Variants in KCNJ16 observed in about 807,000 individuals in gnomAD.
KCNJ16 encodes the protein potassium inwardly rectifying channel subfamily J member 16.
A neutral mutation model predicts 18.5 loss-of-function variants in KCNJ16; 15 were observed. The ratio of observed to expected loss-of-function variants is 0.81; its 90% CI spans 0.54 to 1.25. KCNJ16 has a LOEUF of 1.25. KCNJ16 is among the 50% of genes most tolerant of loss of function. The pLI is 0.00. For synonymous variants in KCNJ16, 174 were observed against 186.5 expected (o/e 0.93, Z 0.55); for missense variants, 523 against 525.7 (o/e 0.99, Z 0.05).
chr17:70,096,205 A>G (rs1362344218), intron 1 of KCNJ16, among the ~76,000 whole-genome samples: 1 of 151,946 alleles, frequency 6.6e-6, no homozygotes, highest in Non-Finnish European at 1.5e-5. Context: ...TTTCCAGTCC[A>G]TTTCAGCAAA....
intron 2 of KCNJ16, among the ~76,000 whole-genome samples, chr17:70,122,634 C>A (rs887410913): frequency 6.6e-6 from 1 of 152,092 alleles, no homozygotes; most frequent in Non-Finnish European, 1.5e-5. Context: ...TAAGAAGATA[C>A]AATCTGATTT....
intron 3 of KCNJ16, among the ~76,000 whole-genome samples, 198 bp downstream of exon 3, chr17:70,131,173 A>G (rs181820090): frequency 6.6e-6 from 1 of 150,628 alleles, no homozygotes; most frequent in East Asian, 1.9e-4. Context: ...ATTCAGAGGG[A>G]AAGAGAAGAG....
intron 1 of KCNJ16, among the ~76,000 whole-genome samples, chr17:70,080,771 A>G (rs2071518027): frequency 6.6e-6 from 1 of 152,222 alleles, no homozygotes; most frequent in African/African-American, 2.4e-5. Flanking sequence ...AGGCTGAGCC[A>G]AACAATGGGT....
At chr17:70,099,147 TATTG>T (rs1211395268) in intron 1 of KCNJ16, among the ~76,000 whole-genome samples, 3 of 152,178 alleles carry the variant, frequency 2.0e-5, no homozygotes, top group African/African-American at 4.8e-5. Flanking sequence ...ATCACAGCAG[TATTG>T]ATTGATGCCA....
intron 1 of KCNJ16, among the ~76,000 whole-genome samples, chr17:70,078,364 G>A (rs368063891): frequency 6.6e-6 from 1 of 151,850 alleles, no homozygotes; most frequent in East Asian, 1.9e-4. Context: ...TAAAAAAAAG[G>A]TGATTTTTAC....
chr17:70,089,375 A>T (rs2071981826), intron 1 of KCNJ16, among the ~76,000 whole-genome samples: 2 of 152,238 alleles, frequency 1.3e-5, no homozygotes, highest in Non-Finnish European at 1.5e-5. Context: ...CATAATTTGC[A>T]TATGAGTTTT....
chr17:70,116,390 G>A (rs2144075756), intron 2 of KCNJ16, among the ~76,000 whole-genome samples: 1 of 152,134 alleles, frequency 6.6e-6, no homozygotes, highest in South Asian at 2.1e-4. Context: ...GCCCTCCAAT[G>A]TAGTCGTGTC....
intron 2 of KCNJ16, among the ~76,000 whole-genome samples, chr17:70,103,319 T>TACACACACAC (rs1199138346): frequency 1.2e-3 from 24 of 20,734 alleles, no homozygotes; most frequent in African/African-American, 3.4e-3. Flanking sequence ...TATATATATA[T>TACACACACAC]ATACACACAC....
chr17:70,103,285 T>TATGTGTG (rs200951327), intron 2 of KCNJ16, among the ~76,000 whole-genome samples: 1,292 of 25,336 alleles, frequency 0.051, 10 homozygotes, highest in East Asian at 0.14. Flanking sequence ...AATATGCATA[T>TATGTGTG]ATGTGTGTGT....
At chr17:70,099,841 C>T (rs938209948) in intron 1 of KCNJ16, among the ~76,000 whole-genome samples, 1 of 152,158 alleles carries the variant, frequency 6.6e-6, no homozygotes, top group African/African-American at 2.4e-5. Flanking sequence ...ATGATGATCA[C>T]TAATTTGAGA....
chr17:70,092,419 T>C (rs1487229454), intron 1 of KCNJ16, among the ~76,000 whole-genome samples: 6 of 152,084 alleles, frequency 3.9e-5, no homozygotes, highest in Admixed American at 2.0e-4. Context: ...CAGTTGGTTT[T>C]ACAGTTCGAA....
chr17:70,089,755 G>C (rs2072000792), intron 1 of KCNJ16, among the ~76,000 whole-genome samples: 1 of 152,144 alleles, frequency 6.6e-6, no homozygotes, highest in Admixed American at 6.5e-5. Flanking sequence ...AAATTTATAT[G>C]TACATAAAAA....
intron 2 of KCNJ16, chr17:70,128,027 C>T (rs1370636583): frequency 6.6e-6 from 1 of 152,206 alleles, no homozygotes; most frequent in Non-Finnish European, 1.5e-5. Flanking sequence ...GTACCCTCGG[C>T]ATGAGCTTAC....
At chr17:70,127,109 T>C (rs955883565) in intron 2 of KCNJ16, among the ~76,000 whole-genome samples, 8 of 152,120 alleles carry the variant, frequency 5.3e-5, no homozygotes, top group Non-Finnish European at 1.2e-4. Flanking sequence ...ATTGTAAAGT[T>C]ATATCAGGAG....
chr17:70,088,006 A>C (rs891443052), intron 1 of KCNJ16, among the ~76,000 whole-genome samples: 20 of 125,054 alleles, frequency 1.6e-4, no homozygotes, highest in Non-Finnish European at 3.2e-4. Flanking sequence ...TGGGCGACAG[A>C]GCAAGACTCT....
intron 1 of KCNJ16, among the ~76,000 whole-genome samples, chr17:70,093,557 G>T (rs1484344803): frequency 6.6e-6 from 1 of 152,116 alleles, no homozygotes; most frequent in African/African-American, 2.4e-5. Context: ...GGTACTAGGA[G>T]TTAGAACTTC....
At chr17:70,114,941 A>G (rs1158672737) in intron 2 of KCNJ16, among the ~76,000 whole-genome samples, 3 of 152,170 alleles carry the variant, frequency 2.0e-5, no homozygotes, top group Admixed American at 6.6e-5. Context: ...CTAGTATGAA[A>G]GGAGGTTTAG....
intron 1 of KCNJ16, among the ~76,000 whole-genome samples, chr17:70,090,449 A>C (rs901245912): frequency 3.9e-5 from 6 of 152,216 alleles, no homozygotes; most frequent in African/African-American, 1.4e-4. Flanking sequence ...TTTCTTTTCT[A>C]GCCTGAATTA....
intron 1 of KCNJ16, among the ~76,000 whole-genome samples, chr17:70,087,972 G>C (rs6501364): frequency 1.4e-5 from 2 of 144,294 alleles, no homozygotes; most frequent in Admixed American, 6.9e-5. Context: ...AGCCGAGATA[G>C]CGCCACGCCA....
Sources: allele counts gnomAD v4.1 joint callset (sites outside exome capture counted in the v4.1 genomes callset), GRCh38; gene constraint gnomAD v4.1.1; transcripts MANE v1.5; gene names NCBI Gene and HGNC (gene_info 2026-07-23, HGNC 2026-07-21).